TSGA10: variants seen among roughly 807,000 people sequenced by gnomAD.
The protein encoded by TSGA10 is testis specific 10, also known as testis-specific gene 10 protein.
A neutral mutation model predicts 96.6 loss-of-function variants in TSGA10; 43 were observed. The ratio of observed to expected loss-of-function variants is 0.44; its 90% CI spans 0.35 to 0.57. TSGA10 has a LOEUF of 0.57. Among genes scored for constraint, TSGA10 ranks in the 20% least tolerant of loss-of-function variants. The probability of loss-of-function intolerance (pLI) is 0.01; values close to 1 mark genes in which losing one functional copy is unlikely to be tolerated. For missense variants in TSGA10, 703 were observed against 834.4 expected (o/e 0.84, Z 1.94); for synonymous variants, 229 against 269.9 (o/e 0.85, Z 1.48).
At position 99,069,552 on chromosome 2, in the gene TSGA10, C is replaced by T. The variant is rs933748894; in HGVS notation, c.1108-554G>A. Reference sequence around the variant, plus strand: ...AAGAAACCTCAGCTGGGTGTTTTTCCTGTAATCCTGGCACTTTGGGAGGAT... The same window carrying T: ...AAGAAACCTCAGCTGGGTGTTTTTCTTGTAATCCTGGCACTTTGGGAGGAT... On this transcript the variant is annotated intron_variant, in intron 14 of 20. Coordinates refer to ENST00000393483, the MANE Select transcript of TSGA10 (RefSeq NM_025244.4). 2.6e-5 allele frequency among the ~76,000 whole-genome samples: 4 copies of T among 151,754 alleles called. No homozygotes were observed. In the South Asian group the frequency reaches 6.2e-4, roughly 24 times the overall value.
intron 16 of TSGA10, among the ~76,000 whole-genome samples, chr2:99,043,777 G>A (rs1350826704): frequency 6.6e-6 from 1 of 152,114 alleles, no homozygotes; most frequent in Admixed American, 6.6e-5. Context: ...AAGAATTCTT[G>A]TCAACCAAGA....
chr2:99,094,163 T>G (rs1197905023), intron 10 of TSGA10, among the ~76,000 whole-genome samples: 1 of 152,200 alleles, frequency 6.6e-6, no homozygotes, highest in Non-Finnish European at 1.5e-5. Flanking sequence ...AAGGACACCT[T>G]ATTCAACAAA....
rs869263270 is a variant in TSGA10 at position 99,101,244 on chromosome 2, C to CAAAA, written c.611+2719_611+2722dup. Among the ~76,000 whole-genome samples, 110 of 24,358 alleles carry CAAAA rather than the reference C, an allele frequency of 4.5e-3. 36 individuals carry two copies. The highest frequency in any genetic ancestry group is 6.6e-3 in the Non-Finnish European group (101 of 15,238). 16.0% of individuals were successfully genotyped at this position (24,358 alleles called of 152,430 possible). On this transcript the variant is annotated intron_variant, in intron 10 of 20. Coordinates refer to ENST00000393483, the MANE Select transcript of TSGA10 (RefSeq NM_025244.4). ...TGGGCGACAGAGTGAGACTCTGTCTCAAAAAAAAAAAAAAAAAAAAAAAAA... is the reference window on the plus strand; with the variant it reads ...TGGGCGACAGAGTGAGACTCTGTCTCAAAAAAAAAAAAAAAAAAAAAAAAAAAAA...
At chr2:99,015,227 T>C (rs1444903272) in intron 20 of TSGA10, among the ~76,000 whole-genome samples, 8 of 152,144 alleles carry the variant, frequency 5.3e-5, no homozygotes. Context: ...TGAACATAGA[T>C]GCAGAAGTCC....
rs575999268 is a variant in TSGA10, at chr2:99,026,853, C to T, written c.1615-6371G>A. 1.1e-4 allele frequency among the ~76,000 whole-genome samples: 17 copies of T among 152,312 alleles called. 1 individual carries two copies. The East Asian group carries it at 1.9e-3, about 17-fold the overall frequency. Reference sequence around the variant, plus strand: ...TACAAAATGGAATACTATACAGCAGCGGTCCCCAACCTTTTTGTCACCAGG... The same window carrying T: ...TACAAAATGGAATACTATACAGCAGTGGTCCCCAACCTTTTTGTCACCAGG... On this transcript the variant is annotated intron_variant, in intron 17 of 20. Coordinates refer to ENST00000393483, the MANE Select transcript of TSGA10 (RefSeq NM_025244.4).
intron 10 of TSGA10, among the ~76,000 whole-genome samples, chr2:99,084,060 T>A (rs981588432): frequency 6.6e-6 from 1 of 152,220 alleles, no homozygotes; most frequent in African/African-American, 2.4e-5. Flanking sequence ...TTTTTGTAAC[T>A]TCCTACAAAT....
chr2:99,068,958 T>C lies in TSGA10; in HGVS notation c.1148A>G (p.Asn383Ser). Reference protein sequence around the residue: ...KKLNDTHNELNDIKQKVQDTN... With the variant: ...KKLNDTHNELSDIKQKVQDTN... The stretch of plus-strand genomic sequence containing the variant: ...ATCTTGAACCTTCTGTTTTATGTCA[T>C]TAAGTTCATTATGAGTGTCATTCAA... Residue 383 changes from asparagine (N) to serine (S), a missense_variant, in exon 15 of 21, where the codon AAT (asparagine) becomes AGT (serine). Around this residue, in one of 3 missense-constraint regions of TSGA10, gnomAD observed 585 missense variants for 656.8 expected, o/e 0.89. Transcript: ENST00000393483. 1 of 1,475,164 alleles carries C rather than the reference T, an allele frequency of 6.8e-7. No homozygotes were observed. Among genetic ancestry groups the C allele is most frequent in the Non-Finnish European group, 8.9e-7 (1 of 1,117,432 alleles). 91.4% of individuals were successfully genotyped at this position (1,475,164 alleles called of 1,614,324 possible). A position where few individuals can be genotyped will look rare whatever the true frequency, so the allele number is the denominator to read the frequency against.
At chr2:99,070,698 C>T (rs2085858415) in intron 14 of TSGA10, among the ~76,000 whole-genome samples, 2 of 152,016 alleles carry the variant, frequency 1.3e-5, no homozygotes, top group African/African-American at 4.8e-5. Flanking sequence ...GTAAAGAGTA[C>T]ACAAAGGCAA....
chr2:99,083,422 G>A (rs2087795371), intron 10 of TSGA10, among the ~76,000 whole-genome samples: 1 of 151,728 alleles, frequency 6.6e-6, no homozygotes, highest in Non-Finnish European at 1.5e-5. Flanking sequence ...GAAAAGGCAG[G>A]AAAACAAAAA....
intron 10 of TSGA10, 128 bp downstream of exon 10, chr2:99,103,839 T>C: frequency 1.7e-6 from 2 of 1,154,404 alleles, no homozygotes; most frequent in Middle Eastern, 3.1e-4. Flanking sequence ...CAAGGGTTCC[T>C]ACAACTGCTT....
At chr2:99,100,940 A>C (rs1045891546) in intron 10 of TSGA10, among the ~76,000 whole-genome samples, 2 of 147,860 alleles carry the variant, frequency 1.4e-5, no homozygotes, top group African/African-American at 5.0e-5. Flanking sequence ...AAAAAAAAGC[A>C]TAAATTAGGC....
chr2:99,003,549 A>T (rs903404965), intron 20 of TSGA10, among the ~76,000 whole-genome samples: 1 of 152,224 alleles, frequency 6.6e-6, no homozygotes, highest in Non-Finnish European at 1.5e-5. Context: ...CATAGTTGGA[A>T]GTAAAGCACT....
chr2:99,099,266 C>T (rs1409317893), intron 10 of TSGA10, among the ~76,000 whole-genome samples: 2 of 152,092 alleles, frequency 1.3e-5, no homozygotes, highest in Non-Finnish European at 2.9e-5. Flanking sequence ...GAGCCAAGAT[C>T]GCGCCATTGC....
rs776604047 is a variant in TSGA10, at chr2:99,110,918, G to A, written c.-139-3C>T. The A allele has an allele frequency of 6.4e-4, 454 of 707,886 alleles. No individual in the cohort carries two copies. Among genetic ancestry groups the A allele is most frequent in the Non-Finnish European group, 7.4e-4 (434 of 588,844 alleles). The allele number at this position is 707,886 out of a possible 1,614,324, so 43.9% of individuals were successfully genotyped here. ...TTTTGCTGGCAAATGAGATCAATCT[G>A]AAGAAAAAGTAAAAAAAAAAAAAAT... On this transcript the variant is annotated splice_region_variant and splice_polypyrimidine_tract_variant and intron_variant, in intron 4 of 20. Transcript: ENST00000393483.
intron 1 of TSGA10, among the ~76,000 whole-genome samples, chr2:99,143,017 C>CT (rs976321187): frequency 4.6e-5 from 7 of 151,458 alleles, no homozygotes; most frequent in African/African-American, 1.5e-4. Context: ...AAAGATTTTC[C>CT]TTTTTTTTCC....
intron 16 of TSGA10, among the ~76,000 whole-genome samples, chr2:99,059,811 G>A (rs1468559038): frequency 6.6e-6 from 1 of 151,554 alleles, no homozygotes; most frequent in African/African-American, 2.4e-5. Context: ...CTACTCAGGA[G>A]GCTGAAGTGG....
chr2:99,140,633 T>C (rs2093500162), intron 1 of TSGA10, among the ~76,000 whole-genome samples: 1 of 152,200 alleles, frequency 6.6e-6, no homozygotes, highest in Non-Finnish European at 1.5e-5. Context: ...TAAAATTATC[T>C]GAGATTTTCA....
chr2:99,005,707 GC>G (rs1239155488), intron 20 of TSGA10, among the ~76,000 whole-genome samples: 8 of 152,212 alleles, frequency 5.3e-5, no homozygotes, highest in Admixed American at 2.6e-4. Flanking sequence ...CGTGAAAATG[GC>G]CATACTGCCC....
intron 1 of TSGA10, among the ~76,000 whole-genome samples, chr2:99,133,778 G>C (rs2093209117): frequency 6.6e-6 from 1 of 152,172 alleles, no homozygotes; most frequent in Non-Finnish European, 1.5e-5. Context: ...AGCCAGGTCT[G>C]GTGGTGACAA....
Sources: allele counts gnomAD v4.1 joint callset (sites outside exome capture counted in the v4.1 genomes callset), GRCh38; gene constraint gnomAD v4.1.1; regional missense constraint gnomAD v4.1.1; transcripts MANE v1.5; gene names NCBI Gene and HGNC (gene_info 2026-07-23, HGNC 2026-07-21).